TWF1: variants seen among roughly 807,000 people sequenced by gnomAD.
The protein encoded by TWF1 is twinfilin-1.
Under a neutral mutation model 47.9 loss-of-function variants are expected in TWF1, and 14 were observed. That is an observed-to-expected ratio of 0.29 (90% CI 0.19 to 0.46). The LOEUF is 0.46. TWF1 is among the 20% of genes least tolerant of loss of function. TWF1 has a pLI of 1.00. For synonymous variants in TWF1, 96 were observed against 139.2 expected (o/e 0.69, Z 2.18); for missense variants, 281 against 409.3 (o/e 0.69, Z 2.70).
intron 1 of TWF1, 130 bp downstream of exon 1, chr12:43,806,091 C>G: frequency 2.0e-6 from 3 of 1,519,686 alleles, no homozygotes; most frequent in South Asian, 2.4e-5. Context: ...GCGCCGAGGC[C>G]CGGCTCGCCC....
intron 3 of TWF1, among the ~76,000 whole-genome samples, chr12:43,801,283 T>C (rs1942656924): frequency 6.6e-6 from 1 of 151,922 alleles, no homozygotes; most frequent in African/African-American, 2.4e-5. Context: ...GAAAAAAAAA[T>C]TCAAGAGTCA....
At chr12:43,802,947 A>G (rs1592281221) in intron 2 of TWF1, among the ~76,000 whole-genome samples, 1 of 152,198 alleles carries the variant, frequency 6.6e-6, no homozygotes, top group Non-Finnish European at 1.5e-5. Flanking sequence ...ATTTGCCTAG[A>G]TGTATACACT....
In TWF1 at chr12:43,798,636, AT is replaced by A. The variant is rs532401186; in HGVS notation, c.483+761del. ...ATCAAACTCGTAAAAAAAAAAAAAA[AT>A]CACATAAAAAGCCCTACTCAAATAA... On this transcript the variant is annotated intron_variant, in intron 5 of 8. Coordinates refer to ENST00000395510, the MANE Select transcript of TWF1 (RefSeq NM_002822.5). The A allele has an allele frequency of 3.8e-4, 550 of 1,428,996 alleles. No homozygotes were observed. In the East Asian group the frequency reaches 0.011, roughly 29 times the overall value. The allele number at this position is 1,428,996 out of a possible 1,614,324, so 88.5% of individuals were successfully genotyped here. A position where few individuals can be genotyped will look rare whatever the true frequency, so the allele number is the denominator to read the frequency against.
intron 2 of TWF1, among the ~76,000 whole-genome samples, chr12:43,802,702 A>G (rs1446501748): frequency 6.6e-6 from 1 of 152,198 alleles, no homozygotes; most frequent in Non-Finnish European, 1.5e-5. Context: ...TAAGAAAGAA[A>G]CATATAAAAA....
intron 5 of TWF1, among the ~76,000 whole-genome samples, chr12:43,798,835 A>G (rs116061573): frequency 0.013 from 1,999 of 152,220 alleles, 38 homozygotes; most frequent in African/African-American, 0.045. Flanking sequence ...CAGTAGAAAT[A>G]CAGTAGTTAT....
chr12:43,802,154 C>A lies in TWF1; in HGVS notation c.282+132G>T, dbSNP rs144764973. The A allele has an allele frequency of 3.4e-4, 184 of 542,860 alleles. No homozygotes were observed. In the East Asian group the frequency reaches 5.4e-3, roughly 16 times the overall value. 33.6% of individuals were successfully genotyped at this position (542,860 alleles called of 1,614,324 possible). On this transcript the variant is annotated intron_variant, in intron 3 of 8. Coordinates refer to ENST00000395510, the MANE Select transcript of TWF1 (RefSeq NM_002822.5). Reference sequence around the variant, plus strand: ...TTATTCCTGATTCTCCGTTATCAATCCAAGGATTTTCCTCATGATCATTCC... The same window carrying A: ...TTATTCCTGATTCTCCGTTATCAATACAAGGATTTTCCTCATGATCATTCC...
At chr12:43,798,693 C>T in intron 5 of TWF1, 1 of 1,201,496 alleles carries the variant, frequency 8.3e-7, no homozygotes, top group Non-Finnish European at 1.1e-6. Context: ...TAGATCCTTG[C>T]TACCAGTTTA....
intron 5 of TWF1, among the ~76,000 whole-genome samples, 182 bp from the exon 6 acceptor site, chr12:43,798,015 A>G (rs1294141197): frequency 6.6e-6 from 1 of 152,150 alleles, no homozygotes; most frequent in Non-Finnish European, 1.5e-5. Context: ...TGCATGACAC[A>G]TCTTTACGAC....
intron 5 of TWF1, chr12:43,798,499 T>C: frequency 2.8e-6 from 4 of 1,420,596 alleles, no homozygotes; most frequent in Non-Finnish European, 2.8e-6. Context: ...AAAAAATGAA[T>C]GGAGATTCTA....
rs571532912 is a variant in TWF1 at position 43,794,666 on chromosome 12, T to G, written c.*919A>C. 4.2e-4 allele frequency: 63 copies of G among 151,476 alleles called. No individual in the cohort carries two copies. Among genetic ancestry groups the G allele is most frequent in the Middle Eastern group, 3.4e-3 (1 of 294 alleles). 9.4% of individuals were successfully genotyped at this position (151,476 alleles called of 1,614,324 possible). The stretch of plus-strand genomic sequence containing the variant: ...CAGTTAAATGTGTTTTGAAATACAG[T>G]ATTAACTGAGATTATTAAGGTGTTT... On this transcript the variant is annotated 3_prime_UTR_variant, in exon 9 of 9. Transcript: ENST00000395510.
Position 43,794,890 on chromosome 12 carries a change from G to C in TWF1, c.*695C>G, listed in dbSNP as rs1942522645. On this transcript the variant is annotated 3_prime_UTR_variant, in exon 9 of 9. Coordinates refer to ENST00000395510, the MANE Select transcript of TWF1 (RefSeq NM_002822.5). ...AATTTCAATCTGAACATAAATGTTT[G>C]GCCTCACAGAGCATTAGAAAGATAA... The C allele has an allele frequency of 6.6e-6, 1 of 151,980 alleles. No individual in the cohort carries two copies. The highest frequency in any genetic ancestry group is 2.4e-5 in the African/African-American group (1 of 41,374). The allele number at this position is 151,980 out of a possible 1,614,324, so 9.4% of individuals were successfully genotyped here.
At position 43,797,821 on chromosome 12, in the gene TWF1, C is replaced by T. The variant is rs777961269; in HGVS notation, c.496G>A (p.Val166Met). 1.5e-5 allele frequency: 24 copies of T among 1,612,886 alleles called. No individual in the cohort carries two copies. The highest frequency in any genetic ancestry group is 1.7e-5 in the Non-Finnish European group (20 of 1,179,344). ...QIKINEVQTD[V>M]GVDTKHQTLQ... Reference sequence around the variant, plus strand: ...GTTTGATGCTTAGTGTCCACACCCACGTCAGTCTGTACCTAAGTATGACAG... The same window carrying T: ...GTTTGATGCTTAGTGTCCACACCCATGTCAGTCTGTACCTAAGTATGACAG... The change falls in exon 6 of 9, where the codon GTG (valine) becomes ATG (methionine). Residue 166 changes from valine (V) to methionine (M), a missense_variant. Physicochemically the swap from Val to Met is conservative, Grantham distance 21. Transcript: ENST00000395510.
intron 3 of TWF1, among the ~76,000 whole-genome samples, chr12:43,800,856 T>A (rs151225610): frequency 8.9e-4 from 135 of 152,254 alleles, no homozygotes; most frequent in African/African-American, 3.2e-3. Flanking sequence ...GTTCAAGTGG[T>A]TCTCCTGCCT....
At chr12:43,800,552 C>T in intron 3 of TWF1, 22 bp from the exon 4 acceptor site, 1 of 1,570,638 alleles carries the variant, frequency 6.4e-7, no homozygotes, top group Non-Finnish European at 8.8e-7. Flanking sequence ...TGAAAGTTTA[C>T]TTAGTTTATA....
In TWF1 at chr12:43,803,469, A is replaced by C. The variant is rs535028764; in HGVS notation, c.104-1005T>G. Among the ~76,000 whole-genome samples, 4 of 152,250 alleles carry C rather than the reference A, an allele frequency of 2.6e-5. No homozygotes were observed. In the East Asian group the frequency reaches 7.7e-4, roughly 29 times the overall value. ...TTATTAATAAAGGGGAGATATAGGT[A>C]TTTATGATACAATTTTAGTCTTTGG... is the stretch of plus-strand genomic sequence containing the variant. On this transcript the variant is annotated intron_variant, in intron 2 of 8. Transcript: ENST00000395510.
intron 2 of TWF1, 113 bp from the exon 3 acceptor site, chr12:43,802,577 A>G: frequency 2.5e-6 from 2 of 800,464 alleles, no homozygotes; most frequent in Non-Finnish European, 2.0e-6. Context: ...TATTATTCAC[A>G]TCAAAAAGTT....
chr12:43,804,627 C>T (rs1942723718), intron 1 of TWF1, 55 bp from the exon 2 acceptor site: 3 of 1,236,740 alleles, frequency 2.4e-6, no homozygotes, highest in Admixed American at 2.3e-5. Context: ...AAATACTTTC[C>T]TATCTATATT....
intron 5 of TWF1, among the ~76,000 whole-genome samples, chr12:43,798,175 A>G (rs574122603): frequency 6.6e-6 from 1 of 152,262 alleles, no homozygotes; most frequent in African/African-American, 2.4e-5. Context: ...ATAAACAACA[A>G]TCTACATACA....
intron 1 of TWF1, among the ~76,000 whole-genome samples, 200 bp from the exon 2 acceptor site, chr12:43,804,772 T>C (rs999224915): frequency 2.0e-5 from 3 of 152,210 alleles, no homozygotes; most frequent in Non-Finnish European, 2.9e-5. Flanking sequence ...ATTTTAAAAG[T>C]ATGTTAATAA....
Sources: allele counts gnomAD v4.1 joint callset (sites outside exome capture counted in the v4.1 genomes callset), GRCh38; gene constraint gnomAD v4.1.1; transcripts MANE v1.5; gene names NCBI Gene and HGNC (gene_info 2026-07-23, HGNC 2026-07-21).